Variants in EPHA7 observed in about 807,000 individuals in gnomAD.
EPHA7 encodes the protein ephrin type-A receptor 7.
In EPHA7, 25 loss-of-function variants were observed where a neutral mutation model predicts 112.6. The ratio of observed to expected loss-of-function variants is 0.22; its 90% CI spans 0.16 to 0.31. The LOEUF (loss-of-function observed/expected upper bound fraction) is 0.31, where lower values mean the gene tolerates loss of function less well. Among genes scored for constraint, EPHA7 ranks in the 10% least tolerant of loss-of-function variants. EPHA7 has a pLI of 1.00. For missense variants in EPHA7, 962 were observed against 1,212.6 expected, an observed-to-expected ratio of 0.79 and a Z score of 3.07; for synonymous variants, 437 against 406.5, an observed-to-expected ratio of 1.07 and a Z score of -0.90.
intron 3 of EPHA7, among the ~76,000 whole-genome samples, chr6:93,405,085 T>C (rs971960852): frequency 2.7e-4 from 41 of 152,022 alleles, no homozygotes; most frequent in African/African-American, 9.4e-4. Flanking sequence ...ATGTTTTGAA[T>C]TATAGACAGA....
chr6:93,300,486 T>A (rs904272274), intron 5 of EPHA7, among the ~76,000 whole-genome samples: 3 of 152,160 alleles, frequency 2.0e-5, no homozygotes, highest in African/African-American at 7.2e-5. Flanking sequence ...TTTCTTACAA[T>A]TTTTTATAAT....
intron 3 of EPHA7, among the ~76,000 whole-genome samples, chr6:93,374,654 A>G (rs535465590): frequency 3.3e-5 from 5 of 152,322 alleles, no homozygotes; most frequent in African/African-American, 1.2e-4. Flanking sequence ...ACAACAGTGG[A>G]GACTAGTCGC....
rs73530390 is a variant in EPHA7 at position 93,299,935 on chromosome 6, G to T, written c.1325-27513C>A. Among the ~76,000 whole-genome samples, 235 of 152,254 alleles carry T rather than the reference G, an allele frequency of 1.5e-3. 1 individual carries two copies. Among genetic ancestry groups the T allele is most frequent in the African/African-American group, 5.4e-3 (226 of 41,560 alleles). ...GGGAGCTAAAGGATGGGAACTCATG[G>T]ACACAAATAGGGGAACAGAAGACTC... is the stretch of plus-strand genomic sequence containing the variant. On this transcript the variant is annotated intron_variant, in intron 5 of 16. Coordinates refer to ENST00000369303, the MANE Select transcript of EPHA7 (RefSeq NM_004440.4).
chr6:93,300,781 C>T (rs1772940591), intron 5 of EPHA7, among the ~76,000 whole-genome samples: 2 of 152,132 alleles, frequency 1.3e-5, no homozygotes, highest in African/African-American at 2.4e-5. Context: ...AACAAATATA[C>T]AGTCATGCAT....
chr6:93,317,955 A>C (rs1245330316), intron 5 of EPHA7, among the ~76,000 whole-genome samples: 2 of 152,174 alleles, frequency 1.3e-5, no homozygotes, highest in East Asian at 3.9e-4. Context: ...TCTCACCTCA[A>C]TACCTTCTTC....
intron 3 of EPHA7, among the ~76,000 whole-genome samples, chr6:93,374,917 A>G (rs764671363): frequency 6.6e-6 from 1 of 152,210 alleles, no homozygotes; most frequent in South Asian, 2.1e-4. Context: ...ATAGTGAAGA[A>G]TATCATTTCA....
chr6:93,335,956 T>C (rs545101570), intron 5 of EPHA7, among the ~76,000 whole-genome samples: 4 of 152,220 alleles, frequency 2.6e-5, no homozygotes, highest in African/African-American at 9.6e-5. Context: ...AGACATATAA[T>C]GAATCTTTCT....
At chr6:93,338,495 G>T (rs9351356) in intron 5 of EPHA7, among the ~76,000 whole-genome samples, 4 of 151,562 alleles carry the variant, frequency 2.6e-5, no homozygotes, top group Non-Finnish European at 5.9e-5. Flanking sequence ...TTTCCAAATC[G>T]GTATTCCAAT....
intron 5 of EPHA7, among the ~76,000 whole-genome samples, chr6:93,342,630 G>C (rs775754529): frequency 6.6e-6 from 1 of 151,696 alleles, no homozygotes; most frequent in Non-Finnish European, 1.5e-5. Flanking sequence ...TGGATGTGCT[G>C]TTAATTCTTT....
chr6:93,307,831 G>A (rs1773334757), intron 5 of EPHA7, among the ~76,000 whole-genome samples: 1 of 152,040 alleles, frequency 6.6e-6, no homozygotes, highest in Admixed American at 6.5e-5. Flanking sequence ...GTTGAGCTTG[G>A]GAGAAACCAG....
intron 5 of EPHA7, among the ~76,000 whole-genome samples, chr6:93,283,660 G>C (rs1405029522): frequency 3.9e-5 from 6 of 152,032 alleles, no homozygotes; most frequent in African/African-American, 1.2e-4. Flanking sequence ...GAGACCAGGA[G>C]CCCACCAGAA....
At chr6:93,257,388 CA>C in intron 12 of EPHA7, 73 bp downstream of exon 12, 6 of 1,162,182 alleles carry the variant, frequency 5.2e-6, no homozygotes, top group South Asian at 1.4e-5. Flanking sequence ...TTTTACATTG[CA>C]AAAAAAGTTC....
chr6:93,388,666 T>C (rs1777752485), intron 3 of EPHA7, among the ~76,000 whole-genome samples: 1 of 152,058 alleles, frequency 6.6e-6, no homozygotes, highest in South Asian at 2.1e-4. Flanking sequence ...GGGAGAATAG[T>C]GAAGGGTGAT....
At chr6:93,397,625 A>G (rs3799801) in intron 3 of EPHA7, among the ~76,000 whole-genome samples, 2 of 152,076 alleles carry the variant, frequency 1.3e-5, no homozygotes, top group East Asian at 3.9e-4. Flanking sequence ...GCGTATGTCC[A>G]TCAATCGATG....
intron 3 of EPHA7, among the ~76,000 whole-genome samples, chr6:93,395,776 G>A (rs1582662742): frequency 6.6e-6 from 1 of 151,834 alleles, no homozygotes. Flanking sequence ...CCACTAAATA[G>A]GGTTAGAATC....
chr6:93,381,741 T>TTC (rs1777346497), intron 3 of EPHA7, among the ~76,000 whole-genome samples: 2 of 151,730 alleles, frequency 1.3e-5, no homozygotes, highest in Non-Finnish European at 2.9e-5. Flanking sequence ...CTTTTTTTTT[T>TTC]CTTATACCTG....
rs78672833 is a variant in EPHA7, at chr6:93,281,519, T to C, written c.1325-9097A>G. On this transcript the variant is annotated intron_variant, in intron 5 of 16. Coordinates refer to ENST00000369303, the MANE Select transcript of EPHA7 (RefSeq NM_004440.4). ...GATTTATCAGGAAGTATGGGACAGC[T>C]ATGGCCTACAACCAGACTCCTTTAA... Among the ~76,000 whole-genome samples, 959 of 152,218 alleles carry C rather than the reference T, an allele frequency of 6.3e-3. 11 individuals are homozygous for C. The highest frequency in any genetic ancestry group is 0.021 in the African/African-American group (884 of 41,536).
intron 5 of EPHA7, among the ~76,000 whole-genome samples, chr6:93,324,600 TAAA>T (rs1774227464): frequency 1.3e-5 from 2 of 151,404 alleles, no homozygotes; most frequent in Non-Finnish European, 3.0e-5. Context: ...TCCTACCTCT[TAAA>T]TAATATCAGT....
At chr6:93,378,806 T>C (rs1481236569) in intron 3 of EPHA7, among the ~76,000 whole-genome samples, 1 of 152,122 alleles carries the variant, frequency 6.6e-6, no homozygotes, top group Non-Finnish European at 1.5e-5. Flanking sequence ...TCTGAATCCA[T>C]TTCTGTTTCT....
Sources: allele counts gnomAD v4.1 joint callset (sites outside exome capture counted in the v4.1 genomes callset), GRCh38; gene constraint gnomAD v4.1.1; transcripts MANE v1.5; gene names NCBI Gene and HGNC (gene_info 2026-07-23, HGNC 2026-07-21).